Variants in ZCCHC2 observed in about 807,000 individuals in gnomAD.
ZCCHC2 encodes zinc finger CCHC-type containing 2.
Under a neutral mutation model 103.6 loss-of-function variants are expected in ZCCHC2, and 39 were observed. The ratio of observed to expected loss-of-function variants is 0.38; its 90% CI spans 0.29 to 0.49. The LOEUF (loss-of-function observed/expected upper bound fraction) is 0.49. Among genes scored for constraint, ZCCHC2 ranks in the 20% least tolerant of loss-of-function variants. The probability of loss-of-function intolerance (pLI) is 0.96; values close to 1 mark genes in which losing one functional copy is unlikely to be tolerated. For missense variants in ZCCHC2, 1,483 were observed against 1,491.0 expected, an observed-to-expected ratio of 0.99 and a Z score of 0.09; for synonymous variants, 687 against 608.9, an observed-to-expected ratio of 1.13 and a Z score of -1.89.
intron 1 of ZCCHC2, chr18:62,524,611 C>T (rs894842457): frequency 7.1e-5 from 36 of 510,066 alleles, no homozygotes; most frequent in Non-Finnish European, 9.4e-5. Context: ...CTAGAAGTCC[C>T]TTCCGTGCCA....
chr18:62,574,476 T>C lies in ZCCHC2; in HGVS notation c.2395T>C (p.Phe799Leu), dbSNP rs776660295. 2 of 1,613,972 alleles carry C rather than the reference T, an allele frequency of 1.2e-6. No individual in the cohort carries two copies. The highest frequency in any genetic ancestry group is 2.2e-5 in the South Asian group (2 of 91,084). ...TTCCCCTTTACCTATTCCATCAACC[T>C]TCCTTCCACACAGTAGTACTCCCGC... ...LASPLPIPST[F>L]LPHSSTPALH... Residue 799 changes from phenylalanine to leucine, a missense_variant, in exon 13 of 14, where the codon TTC becomes CTC. Around this residue, in one of 3 missense-constraint regions of ZCCHC2, gnomAD observed 884 missense variants for 907.5 expected, o/e 0.97. Coordinates refer to ENST00000269499, the MANE Select transcript of ZCCHC2 (RefSeq NM_017742.6).
In ZCCHC2 at chr18:62,550,332, G is replaced by T. The variant is rs1401060910; in HGVS notation, c.1201-16G>T. 13 of 1,574,700 alleles carry T rather than the reference G, an allele frequency of 8.3e-6. No homozygotes were observed. The highest frequency in any genetic ancestry group is 1.0e-5 in the Non-Finnish European group (12 of 1,147,076). On this transcript the variant is annotated splice_polypyrimidine_tract_variant and intron_variant, in intron 4 of 13. Coordinates refer to ENST00000269499, the MANE Select transcript of ZCCHC2 (RefSeq NM_017742.6). ...TGAGAAACTTAACATTGGATATTGT[G>T]GTTTTTCTTTTCTAGCTTCCAAAGG...
At chr18:62,547,218 C>G (rs1915451975) in intron 4 of ZCCHC2, among the ~76,000 whole-genome samples, 1 of 151,672 alleles carries the variant, frequency 6.6e-6, no homozygotes. Context: ...CACAGCTACT[C>G]TGGAGGCTGA....
chr18:62,523,301 G>C lies in ZCCHC2; in HGVS notation c.-124G>C. 2 of 910,174 alleles carry C rather than the reference G, an allele frequency of 2.2e-6. No homozygotes were observed. Among genetic ancestry groups the C allele is most frequent in the South Asian group, 4.9e-5 (1 of 20,356 alleles). 56.4% of individuals were successfully genotyped at this position (910,174 alleles called of 1,614,324 possible). A position where few individuals can be genotyped will look rare whatever the true frequency, so the allele number is the denominator to read the frequency against. On this transcript the variant is annotated 5_prime_UTR_variant, in exon 1 of 14. Transcript: ENST00000269499. ...CGGCCGAGACCCGCCCCCGGCCCCGGCCCTCCCCCGGCGGCATGGAGGGGC... is the reference window on the plus strand; with the variant it reads ...CGGCCGAGACCCGCCCCCGGCCCCGCCCCTCCCCCGGCGGCATGGAGGGGC...
chr18:62,576,131 T>A (rs1053499000), intron 13 of ZCCHC2, among the ~76,000 whole-genome samples: 1 of 152,186 alleles, frequency 6.6e-6, no homozygotes, highest in African/African-American at 2.4e-5. Flanking sequence ...AGTTTAATAT[T>A]ACTACCACCA....
Position 62,524,055 on chromosome 18 carries a change from G to T in ZCCHC2, c.631G>T (p.Glu211Ter). 6.8e-7 allele frequency: 1 copy of T among 1,477,678 alleles called. No individual in the cohort carries two copies. Among genetic ancestry groups the T allele is most frequent in the Non-Finnish European group, 8.9e-7 (1 of 1,125,174 alleles). 91.5% of individuals were successfully genotyped at this position (1,477,678 alleles called of 1,614,324 possible). A position where few individuals can be genotyped will look rare whatever the true frequency, so the allele number is the denominator to read the frequency against. The change falls in exon 1 of 14, where the codon GAG (glutamate) becomes TAG (stop). Residue 211 changes from glutamate (E) to a stop codon, truncating the protein, a stop_gained. Transcript: ENST00000269499. LOFTEE classifies it high-confidence loss of function. ...CAAAAGCCTGCGCGCGGCCCGGGGC[G>T]AGGGCTCGCGGGGCGGCGCGGAGGA... ...VLKSLRAARG[E>*]GSRGGAEDER...
chr18:62,549,428 ATACT>A (rs537107341), intron 4 of ZCCHC2, among the ~76,000 whole-genome samples: 140 of 152,342 alleles, frequency 9.2e-4, no homozygotes, highest in African/African-American at 3.2e-3. Flanking sequence ...TTGACTCAAA[ATACT>A]TACTTTTCAG....
rs113208262 is a variant in ZCCHC2 at position 62,542,588 on chromosome 18, C to T, written c.1128+14C>T. On this transcript the variant is annotated intron_variant, in intron 3 of 13. Coordinates refer to ENST00000269499, the MANE Select transcript of ZCCHC2 (RefSeq NM_017742.6). ...TACACTTTCAAAGTAAGCCATTTTC[C>T]CCACAAAAGATACCTCACGTGCTGT... The T allele has an allele frequency of 2.7e-4, 423 of 1,554,210 alleles. 1 individual carries two copies. In the African/African-American group the frequency reaches 4.9e-3, roughly 18 times the overall value.
In ZCCHC2 at chr18:62,574,191, T is replaced by A; in HGVS notation, c.2110T>A (p.Leu704Ile). The change falls in exon 13 of 14, where the codon TTA (leucine) becomes ATA (isoleucine). Residue 704 changes from leucine to isoleucine, a missense_variant. This residue lies in a region of ZCCHC2 where 884 missense variants were observed against 907.5 expected (regional missense o/e 0.97). Transcript: ENST00000269499. Reference sequence around the variant, plus strand: ...ACTAGGAAATGAGAATGGAAACCTTTTAGAAGATCCCTTAAACTCACCCAA... The same window carrying A: ...ACTAGGAAATGAGAATGGAAACCTTATAGAAGATCCCTTAAACTCACCCAA... Reference protein sequence around the residue: ...ASLGNENGNLLEDPLNSPKYQ... With the variant: ...ASLGNENGNLIEDPLNSPKYQ... The A allele has an allele frequency of 3.7e-6, 6 of 1,614,066 alleles. No individual in the cohort carries two copies. Among genetic ancestry groups the A allele is most frequent in the Non-Finnish European group, 5.1e-6 (6 of 1,179,894 alleles).
At chr18:62,528,200 TG>T (rs1286342049) in intron 1 of ZCCHC2, among the ~76,000 whole-genome samples, 23 of 152,270 alleles carry the variant, frequency 1.5e-4, no homozygotes, top group African/African-American at 5.3e-4. Flanking sequence ...CCTATGTCTT[TG>T]TGTTATTTGA....
chr18:62,563,152 G>A lies in ZCCHC2; in HGVS notation c.1686+8G>A. ...GTGACCTCGGCTGACCAGGTGTGTG[G>A]GGAGTTTGTTTTGGAGCTATATAGT... On this transcript the variant is annotated splice_region_variant and intron_variant, in intron 9 of 13. Coordinates refer to ENST00000269499, the MANE Select transcript of ZCCHC2 (RefSeq NM_017742.6). The A allele has an allele frequency of 6.2e-7, 1 of 1,610,566 alleles. No individual in the cohort carries two copies. The highest frequency in any genetic ancestry group is 1.7e-5 in the Admixed American group (1 of 59,838).
chr18:62,561,456 T>A (rs1916113642), intron 8 of ZCCHC2, among the ~76,000 whole-genome samples: 1 of 152,256 alleles, frequency 6.6e-6, no homozygotes. Context: ...TCCTCAAGTA[T>A]GAGCCGTGAC....
intron 4 of ZCCHC2, among the ~76,000 whole-genome samples, chr18:62,546,879 A>G (rs192393729): frequency 6.6e-6 from 1 of 152,378 alleles, no homozygotes; most frequent in East Asian, 1.9e-4. Flanking sequence ...GTATTTGGAT[A>G]TAATGTTTTT....
chr18:62,533,733 G>A (rs147178951), intron 1 of ZCCHC2, among the ~76,000 whole-genome samples: 4 of 151,890 alleles, frequency 2.6e-5, no homozygotes, highest in Admixed American at 1.3e-4. Flanking sequence ...TTAGCTGGGC[G>A]TGGTGGTGCA....
At chr18:62,534,977 G>T (rs1296717111) in intron 1 of ZCCHC2, among the ~76,000 whole-genome samples, 1 of 152,220 alleles carries the variant, frequency 6.6e-6, no homozygotes, top group East Asian at 1.9e-4. Context: ...TTTCTACAAG[G>T]TTCCAAGAAT....
At chr18:62,570,346 G>A in intron 12 of ZCCHC2, 115 bp downstream of exon 12, 1 of 1,273,214 alleles carries the variant, frequency 7.9e-7, no homozygotes. Context: ...TCCTATAAAT[G>A]CCATTAACTG....
chr18:62,549,094 G>C lies in ZCCHC2; in HGVS notation c.1201-1254G>C, dbSNP rs563873672. On this transcript the variant is annotated intron_variant, in intron 4 of 13. Transcript: ENST00000269499. ...ATTAGCTGGGGGAGGGGGCGGGTGC[G>C]TGTAGTCCCAGCTACTCGGGAGGCT... is the stretch of plus-strand genomic sequence containing the variant. Among the ~76,000 whole-genome samples, 345 of 151,524 alleles carry C rather than the reference G, an allele frequency of 2.3e-3. 7 individuals are homozygous for C. The highest frequency in any genetic ancestry group is 2.0e-3 in the East Asian group (10 of 5,118).
chr18:62,523,873 C>T lies in ZCCHC2; in HGVS notation c.449C>T (p.Ala150Val). The change falls in exon 1 of 14, where the codon GCC (alanine) becomes GTC (valine). Residue 150 changes from alanine to valine, a missense_variant. By Grantham distance (64) the Ala-to-Val change is moderately conservative. Coordinates refer to ENST00000269499, the MANE Select transcript of ZCCHC2 (RefSeq NM_017742.6). ...KDYHYLRDSE[A>V]KANGLSDPGP... ...TACCACTACCTGCGCGACTCGGAGG[C>T]CAAGGCCAACGGCCTCTCGGACCCG... 2 of 1,543,492 alleles carry T rather than the reference C, an allele frequency of 1.3e-6. No individual in the cohort carries two copies. The highest frequency in any genetic ancestry group is 1.2e-5 in the South Asian group (1 of 83,910).
exon 15 of ZCCHC2, chr18:62,586,484 T>C (rs1917173310): frequency 6.6e-6 from 1 of 151,558 alleles, no homozygotes. Context: ...TGTAAAGTTT[T>C]CATTTTCAGG....
Sources: gnomAD v4.1 joint callset for allele counts (sites outside exome capture counted in the v4.1 genomes callset) on GRCh38, gnomAD v4.1.1 for gene constraint, gnomAD v4.1.1 regional missense constraint, MANE v1.5 for transcripts, NCBI Gene and HGNC (gene_info 2026-07-23, HGNC 2026-07-21) for gene names.